Variants in EPHA4 observed in about 807,000 individuals in gnomAD.
EPHA4 encodes EPH receptor A4.
EPHA4 carries 19 observed loss-of-function variants against 108.3 expected under a neutral mutation model. The ratio of observed to expected loss-of-function variants is 0.18; its 90% CI spans 0.12 to 0.26. The LOEUF (loss-of-function observed/expected upper bound fraction) is 0.26, where lower values mean the gene tolerates loss of function less well. Ranked by LOEUF, EPHA4 falls within the 10% of genes least tolerant of loss-of-function variation. EPHA4 has a pLI of 1.00. For synonymous variants in EPHA4, 449 were observed against 455.5 expected (o/e 0.99, Z 0.18); for missense variants, 917 against 1,254.0 (o/e 0.73, Z 4.06).
At chr2:221,519,908 C>T (rs1018755419) in intron 3 of EPHA4, among the ~76,000 whole-genome samples, 4 of 151,978 alleles carry the variant, frequency 2.6e-5, no homozygotes, top group Non-Finnish European at 5.9e-5. Flanking sequence ...AACCTAGAGT[C>T]CTAGCCTCGC....
At chr2:221,563,636 C>T in intron 3 of EPHA4, 95 bp downstream of exon 3, 4 of 1,417,546 alleles carry the variant, frequency 2.8e-6, no homozygotes, top group Non-Finnish European at 3.8e-6. Flanking sequence ...CCCACAGGGG[C>T]TACTAATTAC....
At chr2:221,464,100 C>T (rs1282437830) in intron 5 of EPHA4, among the ~76,000 whole-genome samples, 2 of 152,118 alleles carry the variant, frequency 1.3e-5, no homozygotes, top group East Asian at 3.9e-4. Context: ...GTCAGTGGTA[C>T]ACAATGGCCA....
chr2:221,548,453 T>A (rs991506743), intron 3 of EPHA4, among the ~76,000 whole-genome samples: 1 of 151,884 alleles, frequency 6.6e-6, no homozygotes, highest in African/African-American at 2.4e-5. Flanking sequence ...CCTTGGGACA[T>A]GAGTAAAAGC....
intron 3 of EPHA4, among the ~76,000 whole-genome samples, chr2:221,539,444 G>A (rs1693765695): frequency 2.0e-5 from 3 of 152,112 alleles, no homozygotes; most frequent in South Asian, 4.1e-4. Flanking sequence ...AATGCTGGTG[G>A]GAGTTAGGAG....
At position 221,489,043 on chromosome 2, in the gene EPHA4, C is replaced by G. The variant is rs1308944960; in HGVS notation, c.980-6353G>C. 2.0e-5 allele frequency among the ~76,000 whole-genome samples: 3 copies of G among 152,156 alleles called. No homozygotes were observed. The East Asian group carries it at 5.8e-4, about 29-fold the overall frequency. On this transcript the variant is annotated intron_variant, in intron 4 of 17. Transcript: ENST00000281821. ...AAATCTGTGTGAGCCTTAATAATGTCATTTAAAAGCCGTCAGCCAACACTA... is the reference window on the plus strand; with the variant it reads ...AAATCTGTGTGAGCCTTAATAATGTGATTTAAAAGCCGTCAGCCAACACTA...
At chr2:221,537,708 T>G (rs1387940805) in intron 3 of EPHA4, among the ~76,000 whole-genome samples, 2 of 152,230 alleles carry the variant, frequency 1.3e-5, no homozygotes, top group Non-Finnish European at 2.9e-5. Context: ...GAGGATCATT[T>G]GAACCTAAGA....
rs1449807402 is a variant in EPHA4 at position 221,563,971 on chromosome 2, C to T, written c.583G>A (p.Val195Ile). Reference sequence around the variant, plus strand: ...TTTTTATAGAACACACGGACTGATACCAGGGCGATGCAGGCCCCCACATCC... The same window carrying T: ...TTTTTATAGAACACACGGACTGATATCAGGGCGATGCAGGCCCCCACATCC... ...FQDVGACIAL[V>I]SVRVFYKKCP... Residue 195 changes from valine (V) to isoleucine (I), a missense_variant, in exon 3 of 18, where the codon GTA (valine) becomes ATA (isoleucine). Coordinates refer to ENST00000281821, the MANE Select transcript of EPHA4 (RefSeq NM_004438.5). 6.2e-6 allele frequency: 10 copies of T among 1,614,020 alleles called. No individual in the cohort carries two copies. The highest frequency in any genetic ancestry group is 7.6e-6 in the Non-Finnish European group (9 of 1,180,034).
At chr2:221,499,741 TATATATA>T (rs1692422041) in intron 4 of EPHA4, among the ~76,000 whole-genome samples, 3 of 57,436 alleles carry the variant, frequency 5.2e-5, no homozygotes, top group Non-Finnish European at 9.4e-5. Flanking sequence ...TATATATATA[TATATATA>T]TATATATATT....
At chr2:221,569,470 G>T (rs1694762736) in intron 1 of EPHA4, 1 of 152,192 alleles carries the variant, frequency 6.6e-6, no homozygotes, top group African/African-American at 2.4e-5. Flanking sequence ...GGAAATCACT[G>T]GCTTGAATTT....
chr2:221,436,308 T>C (rs1205523905), intron 13 of EPHA4, 91 bp downstream of exon 13: 1 of 1,262,814 alleles, frequency 7.9e-7, no homozygotes, highest in Non-Finnish European at 1.1e-6. Context: ...ACTTAAAAAA[T>C]AAAAAAATTA....
At chr2:221,517,932 C>T (rs1001336087) in intron 3 of EPHA4, among the ~76,000 whole-genome samples, 3 of 152,132 alleles carry the variant, frequency 2.0e-5, no homozygotes, top group Non-Finnish European at 4.4e-5. Flanking sequence ...GCTTCCTGAG[C>T]GTGATTCAAA....
intron 5 of EPHA4, among the ~76,000 whole-genome samples, chr2:221,471,244 T>C (rs1377060360): frequency 6.6e-6 from 1 of 152,092 alleles, no homozygotes; most frequent in East Asian, 1.9e-4. Context: ...GTTTTTATTT[T>C]TTTAAAAAAA....
chr2:221,486,891 A>T (rs1158532709), intron 4 of EPHA4, among the ~76,000 whole-genome samples: 1 of 152,144 alleles, frequency 6.6e-6, no homozygotes, highest in Non-Finnish European at 1.5e-5. Flanking sequence ...CCTTTAATGC[A>T]TCTTATACCC....
chr2:221,523,197 C>T (rs761992333), intron 3 of EPHA4, among the ~76,000 whole-genome samples: 2 of 152,184 alleles, frequency 1.3e-5, no homozygotes, highest in African/African-American at 4.8e-5. Flanking sequence ...TACTGGGGCT[C>T]TCTATGTGCA....
At chr2:221,499,898 T>G (rs1363195967) in intron 4 of EPHA4, among the ~76,000 whole-genome samples, 1 of 150,446 alleles carries the variant, frequency 6.6e-6, no homozygotes, top group African/African-American at 2.4e-5. Flanking sequence ...GCTGGGATTA[T>G]AGGCACCACC....
At chr2:221,564,934 CT>C (rs1342639498) in intron 2 of EPHA4, among the ~76,000 whole-genome samples, 2 of 149,928 alleles carry the variant, frequency 1.3e-5, no homozygotes, top group Non-Finnish European at 3.0e-5. Context: ...TTTTGGCACC[CT>C]CACTACTCTT....
At chr2:221,566,969 G>A (rs7589393) in intron 2 of EPHA4, among the ~76,000 whole-genome samples, 6,191 of 27,536 alleles carry the variant, frequency 0.22, 2,225 homozygotes, top group African/African-American at 0.5. Context: ...AAGAGGAAGA[G>A]GAAGAAGAAG....
chr2:221,481,730 G>A (rs2106140659), intron 5 of EPHA4, among the ~76,000 whole-genome samples: 1 of 152,264 alleles, frequency 6.6e-6, no homozygotes, highest in South Asian at 2.1e-4. Context: ...TAGACACAAA[G>A]ATGTACATGG....
Position 221,572,142 on chromosome 2 carries a change from G to C in EPHA4, c.91+16C>G. 1 of 1,610,228 alleles carries C rather than the reference G, an allele frequency of 6.2e-7. No individual in the cohort carries two copies. The highest frequency in any genetic ancestry group is 8.5e-7 in the Non-Finnish European group (1 of 1,176,728). ...CCTCGCTGTCCCCGACCACAGAAAG[G>C]CCGTCCCGCTCTTACCTTCATTCGC... On this transcript the variant is annotated intron_variant, in intron 1 of 17. Coordinates refer to ENST00000281821, the MANE Select transcript of EPHA4 (RefSeq NM_004438.5).
Sources: gnomAD v4.1 joint callset for allele counts (sites outside exome capture counted in the v4.1 genomes callset) on GRCh38, gnomAD v4.1.1 for gene constraint, MANE v1.5 for transcripts, NCBI Gene and HGNC (gene_info 2026-07-23, HGNC 2026-07-21) for gene names.